The following PDE4D variants were observed in gnomAD, a reference collection of about 807,000 sequenced individuals.
PDE4D encodes 3',5'-cyclic-AMP phosphodiesterase 4D.
Under a neutral mutation model 87.4 loss-of-function variants are expected in PDE4D, and 24 were observed. That is an observed-to-expected ratio of 0.27 (90% CI 0.20 to 0.39). PDE4D has a LOEUF of 0.39. Among genes scored for constraint, PDE4D ranks in the 10% least tolerant of loss-of-function variants. The pLI, the probability that PDE4D is intolerant of heterozygous loss-of-function variation, is 1.00. For missense variants in PDE4D, 714 were observed against 1,041.0 expected (o/e 0.69, Z 4.32); for synonymous variants, 384 against 383.2 (o/e 1.00, Z -0.02).
intron 1 of PDE4D, among the ~76,000 whole-genome samples, chr5:59,288,772 C>T (rs898328928): frequency 6.6e-6 from 1 of 151,892 alleles, no homozygotes; most frequent in African/African-American, 2.4e-5. Context: ...TCAGTGGAAA[C>T]CTTATAGGGC....
intron 5 of PDE4D, among the ~76,000 whole-genome samples, chr5:59,175,712 TG>T (rs911904634): frequency 1.2e-4 from 18 of 151,298 alleles, no homozygotes; most frequent in African/African-American, 4.1e-4. Context: ...ACTCCTGACC[TG>T]GTGATCCACC....
At chr5:59,587,689 C>T in intron 1 of PDE4D, 2 of 905,026 alleles carry the variant, frequency 2.2e-6, no homozygotes, top group African/African-American at 1.8e-5. Flanking sequence ...GTCAAGGGGG[C>T]CCTCTAGGTG....
chr5:60,271,041 G>A (rs1459088828), intron 1 of PDE4D, among the ~76,000 whole-genome samples: 3 of 152,064 alleles, frequency 2.0e-5, no homozygotes, highest in African/African-American at 7.2e-5. Context: ...ATTTTAGTAC[G>A]AGGTTACTAT....
intron 1 of PDE4D, among the ~76,000 whole-genome samples, chr5:59,536,759 C>T (rs1815342786): frequency 6.6e-6 from 1 of 151,892 alleles, no homozygotes; most frequent in Admixed American, 6.6e-5. Context: ...TATTGTGTAC[C>T]TATTACACTG....
At chr5:59,417,240 T>C (rs1466651025) in intron 1 of PDE4D, among the ~76,000 whole-genome samples, 1 of 152,180 alleles carries the variant, frequency 6.6e-6, no homozygotes, top group Non-Finnish European at 1.5e-5. Context: ...AAGTACTATA[T>C]CTATTGATTA....
intron 1 of PDE4D, among the ~76,000 whole-genome samples, chr5:59,723,218 C>G (rs896049388): frequency 1.3e-5 from 2 of 152,038 alleles, no homozygotes; most frequent in Non-Finnish European, 2.9e-5. Context: ...GTATACAAGG[C>G]GTTTCCTAGG....
intron 2 of PDE4D, among the ~76,000 whole-genome samples, chr5:60,026,638 A>G (rs1027773831): frequency 6.6e-6 from 1 of 152,148 alleles, no homozygotes; most frequent in Non-Finnish European, 1.5e-5. Flanking sequence ...TTTCAACACC[A>G]TGATAAGTCC....
exon 2 of PDE4D, chr5:60,185,579 T>C: frequency 6.5e-7 from 1 of 1,530,650 alleles, no homozygotes; most frequent in South Asian, 1.2e-5. Context: ...AGAAAGCAAA[T>C]CACAGGTATT....
rs115010645 is a variant in PDE4D, at chr5:59,926,852, G to T, written c.272+61636C>A. Among the ~76,000 whole-genome samples, 580 of 152,204 alleles carry T rather than the reference G, an allele frequency of 3.8e-3. 7 individuals carry two copies. Among genetic ancestry groups the T allele is most frequent in the African/African-American group, 0.013 (546 of 41,566 alleles). Reference sequence around the variant, plus strand: ...AGTCCAAAATCCAAATAGACCAATAGTAAGTAATGAGATCAAAGTAATAAT... The same window carrying T: ...AGTCCAAAATCCAAATAGACCAATATTAAGTAATGAGATCAAAGTAATAAT... On this transcript the variant is annotated intron_variant, in intron 3 of 16. Coordinates refer to the PDE4D transcript ENST00000502484.
At chr5:59,450,716 T>C (rs1243265569) in intron 1 of PDE4D, among the ~76,000 whole-genome samples, 1 of 152,148 alleles carries the variant, frequency 6.6e-6, no homozygotes, top group South Asian at 2.1e-4. Flanking sequence ...AAAAGGAACA[T>C]TCTCCATGTC....
At chr5:60,050,601 T>C (rs1213996898) in intron 2 of PDE4D, among the ~76,000 whole-genome samples, 1 of 152,138 alleles carries the variant, frequency 6.6e-6, no homozygotes, top group Non-Finnish European at 1.5e-5. Context: ...GTAAAGACCA[T>C]CAACACTATG....
intron 1 of PDE4D, among the ~76,000 whole-genome samples, chr5:59,523,878 C>T (rs1471866428): frequency 6.6e-6 from 1 of 152,132 alleles, no homozygotes; most frequent in East Asian, 1.9e-4. Flanking sequence ...GCTTTTTCCC[C>T]TCCACTCTGC....
chr5:60,464,797 T>TA (rs916292082), intron 1 of PDE4D, among the ~76,000 whole-genome samples: 2 of 152,028 alleles, frequency 1.3e-5, no homozygotes, highest in African/African-American at 4.8e-5. Flanking sequence ...CTATAAAAGC[T>TA]AAAAAATAAA....
chr5:60,340,331 G>A (rs74894601), intron 1 of PDE4D, among the ~76,000 whole-genome samples: 5,583 of 151,926 alleles, frequency 0.037, 254 homozygotes, highest in African/African-American at 0.11. Flanking sequence ...CTAGGCTGAG[G>A]AAGAAAAGGG....
At chr5:59,253,851 T>C (rs966567215) in intron 1 of PDE4D, among the ~76,000 whole-genome samples, 2 of 152,034 alleles carry the variant, frequency 1.3e-5, no homozygotes, top group African/African-American at 2.4e-5. Flanking sequence ...AGGAGTGATG[T>C]CATAGGAGTG....
At chr5:59,552,746 A>T (rs191696107) in intron 1 of PDE4D, among the ~76,000 whole-genome samples, 9 of 152,288 alleles carry the variant, frequency 5.9e-5, no homozygotes, top group Non-Finnish European at 1.3e-4. Context: ...ACCAGATTTG[A>T]TCAAAATTAA....
At chr5:59,332,462 T>C (rs1416183665) in intron 1 of PDE4D, among the ~76,000 whole-genome samples, 2 of 152,182 alleles carry the variant, frequency 1.3e-5, no homozygotes, top group African/African-American at 4.8e-5. Context: ...TAATGTCTAG[T>C]TTATTTTCCA....
intron 2 of PDE4D, among the ~76,000 whole-genome samples, chr5:60,122,426 C>G (rs903757515): frequency 6.6e-6 from 1 of 152,350 alleles, no homozygotes; most frequent in East Asian, 1.9e-4. Context: ...GAAATATAGG[C>G]GGAGGTTCCC....
chr5:59,239,394 C>G (rs904834392), intron 1 of PDE4D, among the ~76,000 whole-genome samples: 13 of 152,240 alleles, frequency 8.5e-5, no homozygotes, highest in African/African-American at 3.1e-4. Context: ...ACAAGAACTC[C>G]CAAAGGCAAG....
Sources: gnomAD v4.1 joint callset for allele counts (sites outside exome capture counted in the v4.1 genomes callset) on GRCh38, gnomAD v4.1.1 for gene constraint, MANE v1.5 for transcripts, NCBI Gene and HGNC (gene_info 2026-07-23, HGNC 2026-07-21) for gene names.